TRAPPC9: variants seen among roughly 807,000 people sequenced by gnomAD.
TRAPPC9 encodes IKK2 binding protein.
Under a neutral mutation model 124.0 loss-of-function variants are expected in TRAPPC9, and 83 were observed. That is an observed-to-expected ratio of 0.67 (90% confidence interval 0.56 to 0.80). TRAPPC9 has a LOEUF of 0.80. Among genes scored for constraint, TRAPPC9 ranks in the 30% least tolerant of loss-of-function variants. The pLI, the probability that TRAPPC9 is intolerant of heterozygous loss-of-function variation, is 0.00. For synonymous variants in TRAPPC9, 638 were observed against 617.5 expected (o/e 1.03, Z -0.49); for missense variants, 1,302 against 1,508.3 (o/e 0.86, Z 2.27).
intron 21 of TRAPPC9, among the ~76,000 whole-genome samples, chr8:139,756,412 A>G (rs1205502864): frequency 2.2e-3 from 125 of 56,372 alleles, no homozygotes; most frequent in Middle Eastern, 0.019. Context: ...AGGACAGCAG[A>G]TCACAGGAGG....
intron 17 of TRAPPC9, among the ~76,000 whole-genome samples, chr8:140,184,831 G>T (rs1427377599): frequency 6.6e-6 from 1 of 152,016 alleles, no homozygotes; most frequent in African/African-American, 2.4e-5. Flanking sequence ...TCTAAATCCA[G>T]CACCCAGCTG....
intron 17 of TRAPPC9, among the ~76,000 whole-genome samples, chr8:140,119,575 C>T (rs2060948602): frequency 6.6e-6 from 1 of 152,224 alleles, no homozygotes; most frequent in Admixed American, 6.5e-5. Context: ...AATGTAATCC[C>T]TTAAGGCATT....
intron 21 of TRAPPC9, among the ~76,000 whole-genome samples, chr8:139,861,491 C>G (rs1828151974): frequency 6.6e-6 from 1 of 152,114 alleles, no homozygotes; most frequent in South Asian, 2.1e-4. Flanking sequence ...GAACTACTGA[C>G]TAGGACTGTT....
intron 17 of TRAPPC9, among the ~76,000 whole-genome samples, chr8:140,142,358 AG>A (rs1230861084): frequency 1.3e-5 from 2 of 152,232 alleles, no homozygotes; most frequent in African/African-American, 4.8e-5. Context: ...GATTCCAAAA[AG>A]CACCTCCAAA....
chr8:140,347,250 C>T (rs1032120337), intron 9 of TRAPPC9, among the ~76,000 whole-genome samples: 21 of 152,336 alleles, frequency 1.4e-4, no homozygotes, highest in Middle Eastern at 3.4e-3. Context: ...GCTTCCCTCC[C>T]TTCACATCCG....
chr8:139,760,659 C>G (rs1243352299), intron 21 of TRAPPC9, among the ~76,000 whole-genome samples: 3 of 152,242 alleles, frequency 2.0e-5, no homozygotes, highest in African/African-American at 7.2e-5. Flanking sequence ...CACCAGCCCT[C>G]AGGTGACATC....
intron 17 of TRAPPC9, among the ~76,000 whole-genome samples, chr8:140,072,212 T>C (rs547304524): frequency 6.6e-6 from 1 of 152,260 alleles, no homozygotes; most frequent in East Asian, 1.9e-4. Flanking sequence ...TGCATGTAAA[T>C]TATATTTCAA....
chr8:140,290,556 GT>G (rs2065623059), intron 12 of TRAPPC9, among the ~76,000 whole-genome samples: 3 of 19,230 alleles, frequency 1.6e-4, no homozygotes, highest in Non-Finnish European at 2.7e-4. Context: ...AAAGCTCGTG[GT>G]GGTGGTGGTG....
At chr8:140,188,895 C>G (rs1406115259) in intron 17 of TRAPPC9, among the ~76,000 whole-genome samples, 1 of 152,200 alleles carries the variant, frequency 6.6e-6, no homozygotes, top group African/African-American at 2.4e-5. Flanking sequence ...TCGTTAGTAG[C>G]ACACATCCAC....
At chr8:140,027,624 T>C (rs944041674) in intron 17 of TRAPPC9, among the ~76,000 whole-genome samples, 2 of 152,132 alleles carry the variant, frequency 1.3e-5, no homozygotes, top group South Asian at 2.1e-4. Context: ...ATATCTAATT[T>C]AACAAAATCA....
chr8:139,904,570 A>T (rs1007367649), intron 20 of TRAPPC9: 1 of 152,278 alleles, frequency 6.6e-6, no homozygotes, highest in African/African-American at 2.4e-5. Context: ...GTCAACAGGA[A>T]AATAACAAGT....
At chr8:140,331,922 C>T (rs984320705) in intron 9 of TRAPPC9, among the ~76,000 whole-genome samples, 3 of 152,076 alleles carry the variant, frequency 2.0e-5, no homozygotes, top group African/African-American at 7.2e-5. Context: ...TTGAAGGTTC[C>T]TCAAAGAACT....
chr8:139,736,244 C>T (rs991181733), intron 21 of TRAPPC9, among the ~76,000 whole-genome samples: 3 of 152,232 alleles, frequency 2.0e-5, no homozygotes, highest in African/African-American at 7.2e-5. Flanking sequence ...TCTGTCCCTG[C>T]TCCCAGGGTG....
At chr8:139,832,330 G>A (rs1332763120) in intron 21 of TRAPPC9, among the ~76,000 whole-genome samples, 2 of 152,218 alleles carry the variant, frequency 1.3e-5, no homozygotes, top group Admixed American at 6.5e-5. Context: ...TTTAATACTC[G>A]AAATCTGACA....
intron 21 of TRAPPC9, among the ~76,000 whole-genome samples, chr8:139,759,100 C>T (rs1254315167): frequency 1.3e-5 from 2 of 152,308 alleles, no homozygotes; most frequent in South Asian, 2.1e-4. Flanking sequence ...CAGCTCCACC[C>T]ACAGCCCTCT....
At chr8:140,041,288 A>G (rs975075249) in intron 17 of TRAPPC9, among the ~76,000 whole-genome samples, 2 of 152,242 alleles carry the variant, frequency 1.3e-5, no homozygotes, top group Non-Finnish European at 2.9e-5. Context: ...ACACATATAT[A>G]GTAAAGTGTC....
At chr8:140,351,152 A>T (rs1348991604) in intron 9 of TRAPPC9, among the ~76,000 whole-genome samples, 1 of 151,440 alleles carries the variant, frequency 6.6e-6, no homozygotes, top group Non-Finnish European at 1.5e-5. Flanking sequence ...AAGGATGAGG[A>T]AGGAGAAGCG....
intron 16 of TRAPPC9, among the ~76,000 whole-genome samples, chr8:140,233,578 C>G (rs2063655310): frequency 6.7e-6 from 1 of 148,842 alleles, no homozygotes; most frequent in Admixed American, 6.8e-5. Context: ...CACTTCCTCT[C>G]TCTCTCTCTC....
At position 140,283,925 on chromosome 8, in the gene TRAPPC9, G is replaced by A. The variant is rs767914895; in HGVS notation, c.2078C>T (p.Ala693Val). ...GGTGCTGATCTGCAGTCTTGGCAAC[G>A]CGGGAATGACTTCCACTGTGGAGCC... Reference protein sequence around the residue: ...TSGSTVEVIPALPRLQISTSL... With the variant: ...TSGSTVEVIPVLPRLQISTSL... The change falls in exon 14 of 23, where the codon GCG becomes GTG. Residue 693 changes from alanine (A) to valine (V), a missense_variant. Ala to Val is a moderately conservative substitution (Grantham distance 64). Coordinates refer to ENST00000438773, the MANE Select transcript of TRAPPC9 (RefSeq NM_001160372.4). The A allele has an allele frequency of 8.7e-6, 14 of 1,613,938 alleles. No homozygotes were observed. Among genetic ancestry groups the A allele is most frequent in the Middle Eastern group, 3.3e-4 (2 of 6,082 alleles).
Sources: gnomAD v4.1 joint callset for allele counts (sites outside exome capture counted in the v4.1 genomes callset) on GRCh38, gnomAD v4.1.1 for gene constraint, MANE v1.5 for transcripts, NCBI Gene and HGNC (gene_info 2026-07-23, HGNC 2026-07-21) for gene names.